Variants in COL19A1 observed in about 807,000 individuals in gnomAD.
The protein encoded by COL19A1 is collagen type XIX alpha 1 chain.
COL19A1 carries 159 observed loss-of-function variants against 190.2 expected under a neutral mutation model. The ratio of observed to expected loss-of-function variants is 0.84; its 90% CI spans 0.73 to 0.95. The LOEUF is 0.95. Among genes scored for constraint, COL19A1 ranks in the 40% least tolerant of loss-of-function variants. The pLI is 0.00. For synonymous variants in COL19A1, 509 were observed against 458.9 expected, an observed-to-expected ratio of 1.11 and a Z score of -1.39; for missense variants, 1,418 against 1,431.9, an observed-to-expected ratio of 0.99 and a Z score of 0.16.
At chr6:70,202,832 A>C (rs1488186765) in intron 49 of COL19A1, among the ~76,000 whole-genome samples, 5 of 152,198 alleles carry the variant, frequency 3.3e-5, no homozygotes, top group Admixed American at 3.3e-4. Context: ...CAGTTTTTCT[A>C]ATGTTTCCAA....
intron 4 of COL19A1, among the ~76,000 whole-genome samples, chr6:69,915,384 C>T (rs2149991691): frequency 6.6e-6 from 1 of 152,290 alleles, no homozygotes; most frequent in Admixed American, 6.5e-5. Flanking sequence ...TTTTCCCCAA[C>T]TTTGTCATAC....
At chr6:70,115,527 C>T (rs751744707) in intron 16 of COL19A1, among the ~76,000 whole-genome samples, 26 of 152,054 alleles carry the variant, frequency 1.7e-4, no homozygotes, top group Non-Finnish European at 2.6e-4. Flanking sequence ...GGCAGTAAAA[C>T]CTAACATCAA....
At chr6:70,114,645 C>A (rs1001841557) in intron 16 of COL19A1, among the ~76,000 whole-genome samples, 2 of 152,074 alleles carry the variant, frequency 1.3e-5, no homozygotes, top group Non-Finnish European at 2.9e-5. Context: ...CTGACATTTC[C>A]AAAGCAAAAG....
intron 12 of COL19A1, among the ~76,000 whole-genome samples, chr6:70,032,227 G>C (rs893140328): frequency 8.5e-5 from 13 of 152,152 alleles, no homozygotes; most frequent in Non-Finnish European, 2.9e-5. Context: ...TCAAAAGTAA[G>C]GAATGGAGAA....
At chr6:70,115,100 A>G (rs1784488057) in intron 16 of COL19A1, among the ~76,000 whole-genome samples, 1 of 152,212 alleles carries the variant, frequency 6.6e-6, no homozygotes. Context: ...GTGGAGGCAG[A>G]GATGCAGTCT....
intron 4 of COL19A1, among the ~76,000 whole-genome samples, chr6:69,925,397 G>T (rs1341690627): frequency 1.3e-5 from 2 of 152,154 alleles, no homozygotes; most frequent in Non-Finnish European, 2.9e-5. Flanking sequence ...GATGTTTGTA[G>T]ATGTGTGGTA....
rs939009483 is a variant in COL19A1, at chr6:70,034,232, A to T, written c.1081-13A>T. 1 of 1,595,664 alleles carries T rather than the reference A, an allele frequency of 6.3e-7. No individual in the cohort carries two copies. On this transcript the variant is annotated splice_polypyrimidine_tract_variant and intron_variant, in intron 12 of 50. Transcript: ENST00000620364. ...TTTCTGTGAACTGTGTATTGGTTATATTCTTTCTACAGGGTTTGAAAGGTG... is the reference window on the plus strand; with the variant it reads ...TTTCTGTGAACTGTGTATTGGTTATTTTCTTTCTACAGGGTTTGAAAGGTG...
intron 15 of COL19A1, among the ~76,000 whole-genome samples, chr6:70,084,249 T>C (rs1782449948): frequency 6.6e-6 from 1 of 152,078 alleles, no homozygotes; most frequent in African/African-American, 2.4e-5. Context: ...AACTTTAGGA[T>C]CGAGTTTAGA....
At chr6:69,885,140 A>G (rs1245735170) in intron 2 of COL19A1, among the ~76,000 whole-genome samples, 1 of 152,204 alleles carries the variant, frequency 6.6e-6, no homozygotes, top group African/African-American at 2.4e-5. Flanking sequence ...CTGGGATTAT[A>G]GGCGTGAGCC....
intron 25 of COL19A1, 107 bp downstream of exon 25, chr6:70,145,114 A>C (rs941553023): frequency 1.2e-6 from 1 of 805,714 alleles, no homozygotes; most frequent in Non-Finnish European, 2.0e-6. Flanking sequence ...AGGTCTGCAA[A>C]AAAAGGAAAA....
intron 6 of COL19A1, among the ~76,000 whole-genome samples, chr6:69,930,516 C>G (rs1445498337): frequency 6.6e-6 from 1 of 151,956 alleles, no homozygotes; most frequent in Non-Finnish European, 1.5e-5. Flanking sequence ...AACTTCTCAC[C>G]CAAGGATAGA....
chr6:70,083,815 G>C (rs1782420938), intron 15 of COL19A1, among the ~76,000 whole-genome samples: 2 of 152,130 alleles, frequency 1.3e-5, no homozygotes, highest in African/African-American at 2.4e-5. Flanking sequence ...AGGATAACAT[G>C]TTTCACTGTC....
intron 11 of COL19A1, among the ~76,000 whole-genome samples, chr6:69,990,941 T>G (rs952640202): frequency 6.6e-6 from 1 of 152,052 alleles, no homozygotes; most frequent in Non-Finnish European, 1.5e-5. Flanking sequence ...GTTTGTTACA[T>G]GAGTAAATTG....
chr6:70,102,737 T>A (rs1011978390), intron 16 of COL19A1, among the ~76,000 whole-genome samples: 3 of 152,076 alleles, frequency 2.0e-5, no homozygotes, highest in Admixed American at 1.3e-4. Flanking sequence ...AAAAAAAAAA[T>A]ATTCAATTTC....
intron 17 of COL19A1, among the ~76,000 whole-genome samples, chr6:70,125,978 A>T (rs1785170255): frequency 6.6e-6 from 1 of 152,180 alleles, no homozygotes; most frequent in Admixed American, 6.5e-5. Context: ...AATACGTTTT[A>T]TCTGCGGAGG....
intron 11 of COL19A1, among the ~76,000 whole-genome samples, chr6:70,000,540 G>C (rs565874660): frequency 2.6e-5 from 4 of 152,226 alleles, no homozygotes; most frequent in African/African-American, 9.6e-5. Context: ...GATGTTTCTT[G>C]ACTTTTTAAT....
intron 2 of COL19A1, among the ~76,000 whole-genome samples, chr6:69,883,987 A>T (rs1768739813): frequency 1.3e-5 from 2 of 152,202 alleles, no homozygotes; most frequent in Non-Finnish European, 2.9e-5. Flanking sequence ...GGATTTCAAC[A>T]TACCTATGAT....
At chr6:70,167,846 T>G (rs1440943652) in intron 37 of COL19A1, among the ~76,000 whole-genome samples, 179 bp from the exon 38 acceptor site, 1 of 152,212 alleles carries the variant, frequency 6.6e-6, no homozygotes, top group Non-Finnish European at 1.5e-5. Context: ...GCATTTGCTT[T>G]GGAAAAGCTA....
intron 2 of COL19A1, among the ~76,000 whole-genome samples, chr6:69,881,647 A>AT (rs1419061415): frequency 1.3e-5 from 2 of 152,220 alleles, no homozygotes. Flanking sequence ...CTTTTGAAAG[A>AT]TTTTCCCAAC....
Sources: allele counts gnomAD v4.1 joint callset (sites outside exome capture counted in the v4.1 genomes callset), GRCh38; gene constraint gnomAD v4.1.1; transcripts MANE v1.5; gene names NCBI Gene and HGNC (gene_info 2026-07-23, HGNC 2026-07-21).